RBFOX3: variants seen among roughly 807,000 people sequenced by gnomAD.
The protein encoded by RBFOX3 is RNA binding protein fox-1 homolog 3.
Under a neutral mutation model 48.7 loss-of-function variants are expected in RBFOX3, and 17 were observed. The ratio of observed to expected loss-of-function variants is 0.35; its 90% CI spans 0.24 to 0.52. The LOEUF (loss-of-function observed/expected upper bound fraction) is 0.52. Ranked by LOEUF, RBFOX3 falls within the 20% of genes least tolerant of loss-of-function variation. RBFOX3 has a pLI of 0.94. For missense variants in RBFOX3, 382 were observed against 497.5 expected (o/e 0.77, Z 2.21); for synonymous variants, 212 against 209.5 (o/e 1.01, Z -0.10).
intron 2 of RBFOX3, among the ~76,000 whole-genome samples, chr17:79,315,298 C>T (rs117201615): frequency 0.046 from 7,075 of 152,326 alleles, 215 homozygotes; most frequent in Middle Eastern, 0.17. Flanking sequence ...AGGAGGTAGG[C>T]TCCCCTGCAT....
At chr17:79,194,094 T>TA (rs1386657509) in intron 4 of RBFOX3, among the ~76,000 whole-genome samples, 1 of 152,094 alleles carries the variant, frequency 6.6e-6, no homozygotes, top group African/African-American at 2.4e-5. Flanking sequence ...AAAATTTTGG[T>TA]AAAAAAACAG....
At chr17:79,505,452 C>T (rs1373447560) in intron 1 of RBFOX3, among the ~76,000 whole-genome samples, 1 of 152,146 alleles carries the variant, frequency 6.6e-6, no homozygotes, top group Non-Finnish European at 1.5e-5. Flanking sequence ...TGGGATTCAG[C>T]TTCACTTGCC....
intron 1 of RBFOX3, among the ~76,000 whole-genome samples, chr17:79,562,255 C>CA (rs2092268887): frequency 6.6e-6 from 1 of 152,202 alleles, no homozygotes; most frequent in South Asian, 2.1e-4. Context: ...CCTGAGCCCT[C>CA]ACCCGAGTCG....
At chr17:79,308,311 C>T (rs1381407666) in intron 2 of RBFOX3, among the ~76,000 whole-genome samples, 1 of 152,320 alleles carries the variant, frequency 6.6e-6, no homozygotes, top group East Asian at 1.9e-4. Flanking sequence ...GGTTGAGCAG[C>T]CCTCGTGGTT....
chr17:79,307,447 A>T (rs897481547), intron 3 of RBFOX3, among the ~76,000 whole-genome samples: 3 of 152,050 alleles, frequency 2.0e-5, no homozygotes, highest in African/African-American at 4.8e-5. Flanking sequence ...TTATCTACTT[A>T]CCTCCCTTGC....
chr17:79,097,612 G>GC (rs1481691294), intron 10 of RBFOX3, 80 bp downstream of exon 10: 2 of 695,182 alleles, frequency 2.9e-6, no homozygotes, highest in South Asian at 1.8e-5. Flanking sequence ...CGCCCCTCAT[G>GC]CCCCGCCCCC....
intron 4 of RBFOX3, among the ~76,000 whole-genome samples, chr17:79,187,950 T>G (rs868296814): frequency 2.6e-5 from 4 of 152,210 alleles, no homozygotes; most frequent in Middle Eastern, 3.4e-3. Flanking sequence ...TTTAAAAAAA[T>G]GTAGAAATTC....
chr17:79,210,284 C>T (rs1446980965), intron 4 of RBFOX3, among the ~76,000 whole-genome samples: 3 of 152,188 alleles, frequency 2.0e-5, no homozygotes, highest in Non-Finnish European at 4.4e-5. Context: ...GTTGGACCCC[C>T]GGCGTCTTCA....
Position 79,311,769 on chromosome 17 carries a change from G to T in RBFOX3, c.-174-3945C>A, listed in dbSNP as rs570475948. ...TGCCCAGCATGCAGTTCTGGCTGGT[G>T]GAGTGGGAAGCAGTGCCCCCATGAT... On this transcript the variant is annotated intron_variant, in intron 2 of 14. Coordinates refer to ENST00000693108, the MANE Select transcript of RBFOX3 (RefSeq NM_001350451.2). The surrounding 1 kb of genome is among the most constrained non-coding windows in gnomAD (Gnocchi z 4.2). Among the ~76,000 whole-genome samples, 77 of 152,280 alleles carry T rather than the reference G, an allele frequency of 5.1e-4. 1 individual carries two copies. Among genetic ancestry groups the T allele is most frequent in the Admixed American group, 3.3e-3 (51 of 15,296 alleles).
At chr17:79,097,178 C>CG (rs960808508) in intron 11 of RBFOX3, 114 bp downstream of exon 11, 31 of 884,054 alleles carry the variant, frequency 3.5e-5, no homozygotes, top group Non-Finnish European at 5.0e-5. Context: ...GATCCTCCCC[C>CG]CCCCCAGGTC....
intron 3 of RBFOX3, among the ~76,000 whole-genome samples, chr17:79,286,367 C>T (rs916839531): frequency 3.9e-5 from 6 of 152,178 alleles, no homozygotes; most frequent in African/African-American, 1.2e-4. Flanking sequence ...GCAGTTCTGC[C>T]CCAGAAGTAT....
At chr17:79,523,688 G>A (rs936394882) in intron 1 of RBFOX3, among the ~76,000 whole-genome samples, 4 of 152,188 alleles carry the variant, frequency 2.6e-5, no homozygotes, top group Non-Finnish European at 4.4e-5. Context: ...TTCCGGTGAG[G>A]GATAAGGCAA....
intron 2 of RBFOX3, among the ~76,000 whole-genome samples, chr17:79,439,811 C>A (rs2070463250): frequency 6.6e-6 from 1 of 152,260 alleles, no homozygotes; most frequent in African/African-American, 2.4e-5. Context: ...CATACCAGAC[C>A]TTCCTGGGGA....
intron 4 of RBFOX3, among the ~76,000 whole-genome samples, chr17:79,157,172 C>T (rs2045997833): frequency 6.6e-6 from 1 of 152,204 alleles, no homozygotes. Flanking sequence ...GCGTGTCTCA[C>T]TTTGGGCTCT....
intron 2 of RBFOX3, among the ~76,000 whole-genome samples, chr17:79,409,991 A>G (rs769727451): frequency 1.8e-4 from 28 of 152,352 alleles, no homozygotes; most frequent in Non-Finnish European, 3.1e-4. Flanking sequence ...AATGCAGACA[A>G]TGCGAATGGA....
intron 4 of RBFOX3, among the ~76,000 whole-genome samples, chr17:79,215,103 C>G (rs925864455): frequency 1.3e-5 from 2 of 152,320 alleles, no homozygotes; most frequent in African/African-American, 4.8e-5. Flanking sequence ...AATGTTCACA[C>G]ACCCCAGGCC....
chr17:79,604,155 G>C (rs1201585613), intron 1 of RBFOX3, among the ~76,000 whole-genome samples: 1 of 152,210 alleles, frequency 6.6e-6, no homozygotes, highest in Non-Finnish European at 1.5e-5. Flanking sequence ...GATGGGAGTG[G>C]GGAGCTGCCA....
the RBFOX3 span, among the ~76,000 whole-genome samples, chr17:79,656,871 G>GGGAAGGAAGGAGGGAA: frequency 3.3e-5 from 2 of 59,726 alleles, no homozygotes; most frequent in African/African-American, 6.2e-5. Context: ...GAGGGAGGGA[G>GGGAAGGAAGGAGGGAA]GGAAGGAAGG....
At chr17:79,297,908 A>T (rs888474404) in intron 3 of RBFOX3, among the ~76,000 whole-genome samples, 12 of 152,228 alleles carry the variant, frequency 7.9e-5, no homozygotes, top group Admixed American at 2.0e-4. Flanking sequence ...ATAATAATAA[A>T]AAAGCCTATG....
Sources: gnomAD v4.1 joint callset for allele counts (sites outside exome capture counted in the v4.1 genomes callset) on GRCh38, gnomAD v4.1.1 for gene constraint, Gnocchi (gnomAD v3.1) non-coding constraint, MANE v1.5 for transcripts, NCBI Gene and HGNC (gene_info 2026-07-23, HGNC 2026-07-21) for gene names.